The following GP2 variants were observed in gnomAD, a reference collection of about 807,000 sequenced individuals.
The protein encoded by GP2 is glycoprotein 2.
In GP2, 58 loss-of-function variants were observed where a neutral mutation model predicts 60.8. That is an observed-to-expected ratio of 0.95 (90% CI 0.77 to 1.19). GP2 has a LOEUF of 1.19. Ranked by LOEUF, GP2 falls within the 50% of genes most tolerant of loss-of-function variation. GP2 has a pLI of 0.00. For missense variants in GP2, 647 were observed against 667.4 expected, an observed-to-expected ratio of 0.97 and a Z score of 0.34; for synonymous variants, 280 against 253.4, an observed-to-expected ratio of 1.10 and a Z score of -1.00.
chr16:20,315,315 GA>G (rs1005705152), intron 9 of GP2, among the ~76,000 whole-genome samples: 8 of 151,478 alleles, frequency 5.3e-5, no homozygotes, highest in East Asian at 1.9e-4. Flanking sequence ...TCCTTTAGGG[GA>G]AAAAAAAGGC....
intron 4 of GP2, among the ~76,000 whole-genome samples, chr16:20,321,806 C>T (rs1325569308): frequency 6.6e-6 from 1 of 152,102 alleles, no homozygotes; most frequent in African/African-American, 2.4e-5. Flanking sequence ...AGCAATGGGG[C>T]CCACTGGACA....
Position 20,315,958 on chromosome 16 carries a change from C to G in GP2, c.1499G>C (p.Arg500Thr). 2 of 1,604,950 alleles carry G rather than the reference C, an allele frequency of 1.2e-6. No individual in the cohort carries two copies. Among genetic ancestry groups the G allele is most frequent in the Non-Finnish European group, 1.7e-6 (2 of 1,171,584 alleles). The change falls in exon 9 of 11, where the codon AGA (arginine) becomes ACA (threonine). Residue 500 changes from arginine to threonine, a missense_variant and splice_region_variant. Physicochemically the swap from Arg to Thr is moderately conservative, Grantham distance 71. Coordinates refer to ENST00000302555, the MANE Select transcript of GP2 (RefSeq NM_001502.4). ...RVLDLGPITRRGAQSPGVMNG... is the reference protein window; with the variant it reads ...RVLDLGPITRTGAQSPGVMNG... Reference sequence around the variant, plus strand: ...GTCACTGGGATTTGGCCACTTACCTCTCCGAGTGATGGGCCCCAAATCTAG... The same window carrying G: ...GTCACTGGGATTTGGCCACTTACCTGTCCGAGTGATGGGCCCCAAATCTAG...
intron 10 of GP2, 89 bp downstream of exon 10, chr16:20,314,568 G>A (rs1176981949): frequency 6.7e-6 from 6 of 894,646 alleles, no homozygotes; most frequent in Non-Finnish European, 9.5e-6. Flanking sequence ...AGTGTCCCTA[G>A]CATAGGGTCT....
In GP2 at chr16:20,315,953, T is replaced by G; in HGVS notation, c.1501+3A>C. 6.3e-7 allele frequency: 1 copy of G among 1,598,950 alleles called. No homozygotes were observed. On this transcript the variant is annotated splice_donor_region_variant and intron_variant, in intron 9 of 10. Transcript: ENST00000302555. Reference sequence around the variant, plus strand: ...GTCTTGTCACTGGGATTTGGCCACTTACCTCTCCGAGTGATGGGCCCCAAA... The same window carrying G: ...GTCTTGTCACTGGGATTTGGCCACTGACCTCTCCGAGTGATGGGCCCCAAA...
At chr16:20,315,315 G>GA (rs1005705152) in intron 9 of GP2, among the ~76,000 whole-genome samples, 20 of 151,364 alleles carry the variant, frequency 1.3e-4, no homozygotes, top group African/African-American at 4.1e-4. Context: ...TCCTTTAGGG[G>GA]AAAAAAAAGG....
chr16:20,310,911 C>T lies in GP2; in HGVS notation c.*312G>A. The stretch of plus-strand genomic sequence containing the variant: ...AGCTGGGATTACAGGCGCCTGCCAC[C>T]ATGCCTGGCTAATTTTTGTATTTTT... On this transcript the variant is annotated 3_prime_UTR_variant, in exon 11 of 11. Coordinates refer to ENST00000302555, the MANE Select transcript of GP2 (RefSeq NM_001502.4). 2 of 225,264 alleles carry T rather than the reference C, an allele frequency of 8.9e-6. No homozygotes were observed. The highest frequency in any genetic ancestry group is 1.2e-4 in the South Asian group (2 of 16,286). The allele number at this position is 225,264 out of a possible 1,614,324, so 14.0% of individuals were successfully genotyped here.
intron 2 of GP2, among the ~76,000 whole-genome samples, chr16:20,325,932 C>A (rs997221238): frequency 1.3e-5 from 2 of 152,166 alleles, no homozygotes. Context: ...AATTCTAAGC[C>A]TGAGACTCCT....
chr16:20,317,181 C>T (rs763525882), intron 8 of GP2, 32 bp downstream of exon 8: 2 of 1,548,510 alleles, frequency 1.3e-6, no homozygotes, highest in East Asian at 2.3e-5. Flanking sequence ...CCATGCCAGG[C>T]TCTGAAGAGT....
At chr16:20,326,975 C>T (rs559379262) in intron 1 of GP2, 10 of 164,560 alleles carry the variant, frequency 6.1e-5, no homozygotes, top group South Asian at 1.7e-4. Flanking sequence ...GGGTTGGGGG[C>T]GGTGGCGAGG....
intron 2 of GP2, among the ~76,000 whole-genome samples, chr16:20,324,570 C>T (rs1311079625): frequency 3.3e-5 from 5 of 152,126 alleles, no homozygotes; most frequent in Admixed American, 6.5e-5. Flanking sequence ...TTGTTTTTCT[C>T]ATTATAAATG....
chr16:20,324,329 C>A, intron 2 of GP2, 73 bp from the exon 3 acceptor site: 1 of 994,142 alleles, frequency 1.0e-6, no homozygotes, highest in Non-Finnish European at 1.5e-6. Context: ...CCCCTCCATG[C>A]TCTATTTTGG....
In GP2 at chr16:20,311,147, G is replaced by A; in HGVS notation, c.*76C>T. On this transcript the variant is annotated 3_prime_UTR_variant, in exon 11 of 11. Transcript: ENST00000302555. ...TACCAAGCCTGTGTGAATTGGAGTG[G>A]AAAGCAGAAGTGCTGAAGGGAGCCA... 2 of 889,046 alleles carry A rather than the reference G, an allele frequency of 2.2e-6. No individual in the cohort carries two copies. Among genetic ancestry groups the A allele is most frequent in the Non-Finnish European group, 1.9e-6 (1 of 520,374 alleles). The allele number at this position is 889,046 out of a possible 1,614,324, so 55.1% of individuals were successfully genotyped here.
At chr16:20,313,009 A>G (rs1265626019) in intron 10 of GP2, among the ~76,000 whole-genome samples, 1 of 152,028 alleles carries the variant, frequency 6.6e-6, no homozygotes, top group Non-Finnish European at 1.5e-5. Flanking sequence ...TTTTCTTAGC[A>G]TTTTCTGAAT....
intron 8 of GP2, 133 bp from the exon 9 acceptor site, chr16:20,316,173 G>T (rs902637724): frequency 1.0e-5 from 6 of 574,284 alleles, no homozygotes; most frequent in Admixed American, 9.1e-5. Flanking sequence ...TAATTCCGAT[G>T]CTGTGGTTAT....
intron 10 of GP2, among the ~76,000 whole-genome samples, chr16:20,313,758 G>A (rs1379261658): frequency 1.3e-5 from 2 of 152,200 alleles, no homozygotes; most frequent in African/African-American, 4.8e-5. Context: ...GATGTAAGTG[G>A]AGATATAAGG....
At chr16:20,315,208 G>A (rs1177959479) in intron 9 of GP2, among the ~76,000 whole-genome samples, 1 of 152,182 alleles carries the variant, frequency 6.6e-6, no homozygotes, top group Non-Finnish European at 1.5e-5. Context: ...TCCCTCACCT[G>A]CTGTGAGCCT....
Position 20,312,127 on chromosome 16 carries a change from A to T in GP2, c.1547-846T>A, listed in dbSNP as rs190707151. On this transcript the variant is annotated intron_variant, in intron 10 of 10. Transcript: ENST00000302555. Reference sequence around the variant, plus strand: ...TATAAATGTTGGTTTTAAAAGCTAGACTCTAAGATCTAGTTCTGCTGGGAT... The same window carrying T: ...TATAAATGTTGGTTTTAAAAGCTAGTCTCTAAGATCTAGTTCTGCTGGGAT... Among the ~76,000 whole-genome samples the T allele has an allele frequency of 7.9e-5, 12 of 152,214 alleles. No homozygotes were observed. The East Asian group carries it at 2.1e-3, about 27-fold the overall frequency.
At chr16:20,322,224 C>G (rs879440463) in intron 4 of GP2, among the ~76,000 whole-genome samples, 3 of 152,178 alleles carry the variant, frequency 2.0e-5, no homozygotes, top group Non-Finnish European at 4.4e-5. Context: ...AAGGCAAGAT[C>G]AAAGGCCCTT....
chr16:20,321,576 TATGAAA>T (rs1964357660), intron 4 of GP2, among the ~76,000 whole-genome samples: 1 of 152,136 alleles, frequency 6.6e-6, no homozygotes, highest in Non-Finnish European at 1.5e-5. Flanking sequence ...TTCACAGTGG[TATGAAA>T]TTTGAAACGT....
Sources: allele counts gnomAD v4.1 joint callset (sites outside exome capture counted in the v4.1 genomes callset), GRCh38; gene constraint gnomAD v4.1.1; transcripts MANE v1.5; gene names NCBI Gene and HGNC (gene_info 2026-07-23, HGNC 2026-07-21).